The following MAPK4 variants were observed in gnomAD, a reference collection of about 807,000 sequenced individuals.
MAPK4 encodes the protein Erk3-related.
Under a neutral mutation model 47.7 loss-of-function variants are expected in MAPK4, and 22 were observed. That is an observed-to-expected ratio of 0.46 (90% CI 0.33 to 0.66). The LOEUF is 0.66. Ranked by LOEUF, MAPK4 falls within the 30% of genes least tolerant of loss-of-function variation. MAPK4 has a pLI of 0.02. For missense variants in MAPK4, 736 were observed against 831.7 expected (o/e 0.88, Z 1.42); for synonymous variants, 390 against 365.7 (o/e 1.07, Z -0.76).
intron 1 of MAPK4, among the ~76,000 whole-genome samples, chr18:50,607,715 A>G (rs1354622541): frequency 4.6e-5 from 7 of 152,206 alleles, no homozygotes; most frequent in South Asian, 2.1e-4. Context: ...TCCAAGGCCA[A>G]TTGTCATCTT....
In MAPK4 at chr18:50,678,248, T is replaced by G. The variant is rs1353037722; in HGVS notation, c.546+13744T>G. Among the ~76,000 whole-genome samples the G allele has an allele frequency of 6.6e-6, 1 of 152,132 alleles. No homozygotes were observed. Among genetic ancestry groups the G allele is most frequent in the Non-Finnish European group, 1.5e-5 (1 of 68,036 alleles). ...CTGTAATGAACTTGTCAAAATGGAT[T>G]AATTAGGAAGCACTGGGCTAGGGGA... On this transcript the variant is annotated intron_variant, in intron 2 of 5. Coordinates refer to ENST00000400384, the MANE Select transcript of MAPK4 (RefSeq NM_002747.4). This position sits in a 1 kb window ranked among gnomAD's most constrained non-coding sequence, Gnocchi z 4.2.
intron 2 of MAPK4, among the ~76,000 whole-genome samples, chr18:50,698,848 A>T (rs1448556055): frequency 6.6e-6 from 1 of 152,134 alleles, no homozygotes; most frequent in Non-Finnish European, 1.5e-5. Flanking sequence ...AACATGGTAA[A>T]ACCTTGTCTC....
At chr18:50,716,042 T>A (rs1236561955) in intron 3 of MAPK4, among the ~76,000 whole-genome samples, 1 of 152,210 alleles carries the variant, frequency 6.6e-6, no homozygotes, top group East Asian at 1.9e-4. Context: ...GCTTATGTCT[T>A]GTCCTCCATG....
chr18:50,710,032 T>C (rs1910264976), intron 2 of MAPK4, among the ~76,000 whole-genome samples: 1 of 152,148 alleles, frequency 6.6e-6, no homozygotes, highest in Admixed American at 6.5e-5. Flanking sequence ...GGCGAGGCTG[T>C]CAGAGTCTCT....
At chr18:50,646,247 C>T (rs1369438059) in intron 1 of MAPK4, among the ~76,000 whole-genome samples, 1 of 152,224 alleles carries the variant, frequency 6.6e-6, no homozygotes, top group Non-Finnish European at 1.5e-5. Flanking sequence ...ATTCCCCTTC[C>T]CCTCTCCAGC....
rs527835576 is a variant in MAPK4 at position 50,708,061 on chromosome 18, T to C, written c.547-7018T>C. Among the ~76,000 whole-genome samples the C allele has an allele frequency of 3.5e-4, 53 of 152,366 alleles. 1 individual carries two copies. In the South Asian group the frequency reaches 9.1e-3, roughly 26 times the overall value. On this transcript the variant is annotated intron_variant, in intron 2 of 5. Transcript: ENST00000400384. ...CCAGATGATTTCCCAGTGATTGCGA[T>C]GTGAGCCAGGCTTTGTGATGTGTTC...
intron 1 of MAPK4, among the ~76,000 whole-genome samples, chr18:50,623,567 A>G (rs2042750884): frequency 6.6e-6 from 1 of 152,154 alleles, no homozygotes; most frequent in South Asian, 2.1e-4. Flanking sequence ...CATCCTTGAC[A>G]CTGAAGTCTA....
At chr18:50,667,772 G>T (rs1034805733) in intron 2 of MAPK4, among the ~76,000 whole-genome samples, 5 of 152,156 alleles carry the variant, frequency 3.3e-5, no homozygotes, top group Non-Finnish European at 7.4e-5. Context: ...ATACCCAGAA[G>T]ACTTCTGTGA....
chr18:50,618,019 A>T (rs1435206540), intron 1 of MAPK4, among the ~76,000 whole-genome samples: 1 of 152,200 alleles, frequency 6.6e-6, no homozygotes. Flanking sequence ...CTTATTTGAA[A>T]ACTTTCTTCT....
chr18:50,562,655 A>C (rs1346176884), intron 1 of MAPK4, among the ~76,000 whole-genome samples: 1 of 152,256 alleles, frequency 6.6e-6, no homozygotes, highest in Non-Finnish European at 1.5e-5. Flanking sequence ...TGATAATCTT[A>C]GGATCTTGAG....
chr18:50,630,110 C>T (rs997406687), intron 1 of MAPK4, among the ~76,000 whole-genome samples: 1 of 152,182 alleles, frequency 6.6e-6, no homozygotes, highest in East Asian at 1.9e-4. Context: ...TAGTGGCATT[C>T]GGTCTGGTAG....
intron 1 of MAPK4, among the ~76,000 whole-genome samples, chr18:50,606,069 G>A (rs1303118981): frequency 6.6e-6 from 1 of 151,698 alleles, no homozygotes; most frequent in Non-Finnish European, 1.5e-5. Flanking sequence ...TGGCGGGGGC[G>A]GGGGTGGCAG....
At chr18:50,723,625 G>T (rs529018068) in intron 4 of MAPK4, among the ~76,000 whole-genome samples, 67 of 152,322 alleles carry the variant, frequency 4.4e-4, no homozygotes, top group African/African-American at 1.6e-3. Flanking sequence ...CACTTTGGGA[G>T]GCCGAGGCGG....
At chr18:50,619,004 T>C (rs1298747018) in intron 1 of MAPK4, among the ~76,000 whole-genome samples, 2 of 152,248 alleles carry the variant, frequency 1.3e-5, no homozygotes, top group Non-Finnish European at 2.9e-5. Context: ...TACATGCTAC[T>C]TATGCAAGAA....
chr18:50,727,864 C>T lies in MAPK4; in HGVS notation c.1068-1294C>T, dbSNP rs543525799. 7.2e-4 allele frequency among the ~76,000 whole-genome samples: 109 copies of T among 152,268 alleles called. 1 individual carries two copies. The highest frequency in any genetic ancestry group is 3.4e-3 in the Middle Eastern group (1 of 294). ...AAAGCGGGGGTGATAACACAAAGTC[C>T]ACAGGGTTGCTATGAAGACTACAGA... On this transcript the variant is annotated intron_variant, in intron 5 of 5. Transcript: ENST00000400384.
intron 3 of MAPK4, among the ~76,000 whole-genome samples, chr18:50,719,768 G>A (rs145864356): frequency 1.3e-3 from 200 of 152,328 alleles, no homozygotes; most frequent in Non-Finnish European, 2.1e-3. Context: ...GAGCCCAGAC[G>A]AGACTGTATA....
intron 2 of MAPK4, among the ~76,000 whole-genome samples, chr18:50,686,753 G>C (rs879497384): frequency 6.6e-6 from 1 of 152,182 alleles, no homozygotes; most frequent in Non-Finnish European, 1.5e-5. Context: ...CATCCAGAAG[G>C]GTATTGCCTC....
At chr18:50,571,437 C>T (rs1057127341) in intron 1 of MAPK4, among the ~76,000 whole-genome samples, 5 of 152,010 alleles carry the variant, frequency 3.3e-5, no homozygotes, top group African/African-American at 4.8e-5. Flanking sequence ...GAAGATGTGC[C>T]CTTCCATGAT....
At chr18:50,646,307 C>T (rs771858649) in intron 1 of MAPK4, among the ~76,000 whole-genome samples, 11 of 152,234 alleles carry the variant, frequency 7.2e-5, no homozygotes, top group East Asian at 1.9e-4. Context: ...CTTCTCCCAT[C>T]GTTTTCCAGC....
Sources: allele counts gnomAD v4.1 joint callset (sites outside exome capture counted in the v4.1 genomes callset), GRCh38; gene constraint gnomAD v4.1.1; non-coding constraint Gnocchi (gnomAD v3.1); transcripts MANE v1.5; gene names NCBI Gene and HGNC (gene_info 2026-07-23, HGNC 2026-07-21).